Variants in ZNF676 observed in about 807,000 individuals in gnomAD.
ZNF676 encodes zinc finger protein 676.
ZNF676 carries 4 observed loss-of-function variants against 6.0 expected under a neutral mutation model. That is an observed-to-expected ratio of 0.67 (90% confidence interval 0.33 to 1.53). ZNF676 has a LOEUF of 1.53. Among genes scored for constraint, ZNF676 ranks in the 40% most tolerant of loss-of-function variants. ZNF676 has a pLI of 0.06. For synonymous variants in ZNF676, 198 were observed against 223.1 expected (o/e 0.89, Z 1.00); for missense variants, 644 against 679.7 (o/e 0.95, Z 0.58).
At chr19:22,206,391 A>G (rs995961975) in intron 1 of ZNF676, among the ~76,000 whole-genome samples, 41 of 152,236 alleles carry the variant, frequency 2.7e-4, no homozygotes, top group Admixed American at 1.0e-3. Context: ...TTCAACAAAC[A>G]GCTGGGCCCG....
chr19:22,234,109 T>C, the ZNF676 span, among the ~76,000 whole-genome samples: 1 of 152,234 alleles, frequency 6.6e-6, no homozygotes, highest in Non-Finnish European at 1.5e-5. Context: ...CCAGGTGCAC[T>C]GCTCAAAATT....
At chr19:22,214,598 C>CAAA (rs71924274) in intron 1 of ZNF676, among the ~76,000 whole-genome samples, 7 of 86,962 alleles carry the variant, frequency 8.0e-5, no homozygotes, top group Non-Finnish European at 1.0e-4. Context: ...GACTTGGTCT[C>CAAA]AAAAAAAAAA....
chr19:22,204,640 A>C (rs1388359456), intron 1 of ZNF676, among the ~76,000 whole-genome samples: 2 of 152,152 alleles, frequency 1.3e-5, no homozygotes, highest in Non-Finnish European at 2.9e-5. Flanking sequence ...CAAAGAACTT[A>C]CTCAGGATCT....
chr19:22,211,178 A>ATTCT (rs1392025797), intron 1 of ZNF676, among the ~76,000 whole-genome samples: 20 of 151,786 alleles, frequency 1.3e-4, no homozygotes, highest in Non-Finnish European at 2.9e-5. Flanking sequence ...TTTATCTTCA[A>ATTCT]TAAGACACTC....
chr19:22,193,706 T>G (rs949475715), intron 1 of ZNF676, among the ~76,000 whole-genome samples: 2 of 152,038 alleles, frequency 1.3e-5, no homozygotes, highest in African/African-American at 4.8e-5. Context: ...TACAAAAAAT[T>G]TTGCATGCTG....
Position 22,183,687 on chromosome 19 carries a change from A to C in ZNF676, c.131-2101T>G, listed in dbSNP as rs370599027. On this transcript the variant is annotated intron_variant, in intron 2 of 2. Transcript: ENST00000397121. The stretch of plus-strand genomic sequence containing the variant: ...AAGATCCAACTTGCCTTTCTACAAG[A>C]GTCAGTTGAAATCTAATGTTAAAAA... Among the ~76,000 whole-genome samples, 18 of 152,330 alleles carry C rather than the reference A, an allele frequency of 1.2e-4. No homozygotes were observed. In the South Asian group the frequency reaches 2.5e-3, roughly 21 times the overall value.
chr19:22,217,530 C>G (rs1378602493), upstream of ZNF676, among the ~76,000 whole-genome samples: 2 of 151,712 alleles, frequency 1.3e-5, no homozygotes, highest in African/African-American at 4.8e-5. Context: ...GCCTTTGCAT[C>G]TTCATAGCTT....
At chr19:22,253,388 A>ATATATGATTGTGTG in the ZNF676 span, among the ~76,000 whole-genome samples, 1 of 67,472 alleles carries the variant, frequency 1.5e-5, no homozygotes, top group East Asian at 6.6e-4. Flanking sequence ...ATATATATAT[A>ATATATGATTGTGTG]TATATATGAT....
the ZNF676 span, among the ~76,000 whole-genome samples, chr19:22,225,405 A>G: frequency 6.6e-6 from 1 of 152,104 alleles, no homozygotes; most frequent in Non-Finnish European, 1.5e-5. Context: ...AATCTGGTAC[A>G]ATAAGCATAA....
At chr19:22,208,867 G>C (rs1263276531) in intron 1 of ZNF676, among the ~76,000 whole-genome samples, 2 of 152,310 alleles carry the variant, frequency 1.3e-5, no homozygotes, top group African/African-American at 4.8e-5. Context: ...GTTTGAGCCT[G>C]AGTGGGTGAG....
intron 1 of ZNF676, among the ~76,000 whole-genome samples, chr19:22,213,010 G>GA (rs1046076467): frequency 4.0e-5 from 6 of 151,738 alleles, no homozygotes; most frequent in Middle Eastern, 3.4e-3. Context: ...AAAAGAAGAA[G>GA]AAAAAAAACT....
chr19:22,231,306 A>G, the ZNF676 span, among the ~76,000 whole-genome samples: 1 of 152,248 alleles, frequency 6.6e-6, no homozygotes, highest in East Asian at 1.9e-4. Context: ...ACAGAGAGAA[A>G]ATTAGAGACA....
At chr19:22,186,872 G>A (rs2023847010) in intron 2 of ZNF676, among the ~76,000 whole-genome samples, 1 of 152,156 alleles carries the variant, frequency 6.6e-6, no homozygotes, top group Non-Finnish European at 1.5e-5. Context: ...GGAGCACCCA[G>A]AATCATAAAG....
the ZNF676 span, among the ~76,000 whole-genome samples, chr19:22,225,610 T>C: frequency 3.9e-5 from 6 of 152,220 alleles, no homozygotes; most frequent in Non-Finnish European, 8.8e-5. Context: ...CCAATAGATC[T>C]GGTTTTCTTA....
chr19:22,207,510 C>T (rs763489414), intron 1 of ZNF676, among the ~76,000 whole-genome samples: 5 of 152,084 alleles, frequency 3.3e-5, no homozygotes, highest in Admixed American at 6.6e-5. Context: ...ATAAAAATGG[C>T]CATACTGCTT....
chr19:22,186,118 G>A (rs75470602), intron 2 of ZNF676, among the ~76,000 whole-genome samples: 1 of 152,086 alleles, frequency 6.6e-6, no homozygotes, highest in Non-Finnish European at 1.5e-5. Flanking sequence ...AAAATGTTGA[G>A]GGCAGCCACA....
At position 22,180,864 on chromosome 19, in the gene ZNF676, C is replaced by G. The variant is rs537921497; in HGVS notation, c.853G>C (p.Glu285Gln). 5 of 1,402,904 alleles carry G rather than the reference C, an allele frequency of 3.6e-6. No individual in the cohort carries two copies. The highest frequency in any genetic ancestry group is 1.5e-5 in the African/African-American group (1 of 67,240). The allele number at this position is 1,402,904 out of a possible 1,614,324, so 86.9% of individuals were successfully genotyped here. Residue 285 changes from glutamate (E) to glutamine (Q), a missense_variant, in exon 3 of 3, where the codon GAA (glutamate) becomes CAA (glutamine). Transcript: ENST00000397121. ...HAEEKPYKCE[E>Q]CGKASNSSSK... is the part of the protein sequence containing the mutation. ...GACGAGTTGGAAGCTTTGCCACATT[C>G]TTCACATTTGTAGGGCTTCTCTTCA... is the stretch of plus-strand genomic sequence containing the variant.
chr19:22,239,660 G>A, the ZNF676 span, among the ~76,000 whole-genome samples: 1 of 152,204 alleles, frequency 6.6e-6, no homozygotes, highest in Admixed American at 6.5e-5. Context: ...ATTTCCATAA[G>A]TGTCATAATC....
At chr19:22,228,663 G>A in the ZNF676 span, among the ~76,000 whole-genome samples, 2 of 152,096 alleles carry the variant, frequency 1.3e-5, no homozygotes, top group African/African-American at 2.4e-5. Context: ...AAAGTCTCAG[G>A]ATACAAAATC....
Sources: allele counts gnomAD v4.1 joint callset (sites outside exome capture counted in the v4.1 genomes callset), GRCh38; gene constraint gnomAD v4.1.1; transcripts MANE v1.5; gene names NCBI Gene and HGNC (gene_info 2026-07-23, HGNC 2026-07-21).